Variants in ABCA5 observed in about 807,000 individuals in gnomAD.
The protein encoded by ABCA5 is ATP binding cassette subfamily A member 5, also known as cholesterol transporter ABCA5.
In ABCA5, 163 loss-of-function variants were observed where a neutral mutation model predicts 206.0. The ratio of observed to expected loss-of-function variants is 0.79; its 90% CI spans 0.70 to 0.90. The LOEUF (loss-of-function observed/expected upper bound fraction) is 0.90. Ranked by LOEUF, ABCA5 falls within the 40% of genes least tolerant of loss-of-function variation. The pLI, the probability that ABCA5 is intolerant of heterozygous loss-of-function variation, is 0.00. For synonymous variants in ABCA5, 609 were observed against 613.8 expected, an observed-to-expected ratio of 0.99 and a Z score of 0.11; for missense variants, 1,859 against 1,912.9, an observed-to-expected ratio of 0.97 and a Z score of 0.53.
intron 34 of ABCA5, 95 bp from the exon 35 acceptor site, chr17:69,251,961 A>C: frequency 7.3e-7 from 1 of 1,362,962 alleles, no homozygotes. Context: ...TAATTAAGTT[A>C]ATTAAAACTT....
intron 1 of ABCA5, among the ~76,000 whole-genome samples, chr17:69,316,201 C>T (rs1036342858): frequency 1.3e-5 from 2 of 152,152 alleles, no homozygotes; most frequent in Non-Finnish European, 2.9e-5. Context: ...CTTCAGAAAA[C>T]TGTGAGACAG....
Sources: gnomAD v4.1 joint callset for allele counts (sites outside exome capture counted in the v4.1 genomes callset) on GRCh38, gnomAD v4.1.1 for gene constraint, MANE v1.5 for transcripts, NCBI Gene and HGNC (gene_info 2026-07-23, HGNC 2026-07-21) for gene names.